Variants in CNTN5 observed in about 807,000 individuals in gnomAD.
The protein encoded by CNTN5 is contactin 5.
In CNTN5, 77 loss-of-function variants were observed where a neutral mutation model predicts 129.1. The observed-to-expected ratio is 0.60, with a 90% CI of 0.50 to 0.72. The LOEUF (loss-of-function observed/expected upper bound fraction) is 0.72, where lower values mean the gene tolerates loss of function less well. Among genes scored for constraint, CNTN5 ranks in the 30% least tolerant of loss-of-function variants. The pLI, the probability that CNTN5 is intolerant of heterozygous loss-of-function variation, is 0.00. For missense variants in CNTN5, 1,478 were observed against 1,328.8 expected, an observed-to-expected ratio of 1.11 and a Z score of -1.75; for synonymous variants, 509 against 465.6, an observed-to-expected ratio of 1.09 and a Z score of -1.20.
intron 2 of CNTN5, among the ~76,000 whole-genome samples, chr11:99,451,753 G>C (rs960936864): frequency 6.6e-6 from 1 of 152,004 alleles, no homozygotes; most frequent in Admixed American, 6.6e-5. Flanking sequence ...CTAACATGCT[G>C]TATACACACT....
At chr11:99,027,099 G>A (rs1361275642) in intron 1 of CNTN5, among the ~76,000 whole-genome samples, 2 of 151,038 alleles carry the variant, frequency 1.3e-5, no homozygotes, top group Non-Finnish European at 3.0e-5. Context: ...TGACAGAAGG[G>A]GTTTTTTTTT....
chr11:99,155,675 G>A (rs1401416066), intron 1 of CNTN5, among the ~76,000 whole-genome samples: 1 of 151,882 alleles, frequency 6.6e-6, no homozygotes, highest in South Asian at 2.1e-4. Flanking sequence ...AAACTAGTAA[G>A]TGAAGCCCAT....
chr11:100,108,810 A>G (rs1013064679), intron 13 of CNTN5, among the ~76,000 whole-genome samples: 3 of 151,728 alleles, frequency 2.0e-5, no homozygotes, highest in Non-Finnish European at 4.4e-5. Flanking sequence ...ATATTTTCTC[A>G]CAACTGTATC....
chr11:99,966,029 G>C (rs1438969901), intron 8 of CNTN5, among the ~76,000 whole-genome samples: 1 of 152,080 alleles, frequency 6.6e-6, no homozygotes, highest in Non-Finnish European at 1.5e-5. Flanking sequence ...TGCAGAGATA[G>C]GCATTACAAT....
intron 6 of CNTN5, among the ~76,000 whole-genome samples, chr11:99,904,352 T>C (rs567802939): frequency 9.9e-5 from 15 of 152,114 alleles, no homozygotes; most frequent in African/African-American, 3.1e-4. Flanking sequence ...CCGTGTGTTC[T>C]CATTGTTCAA....
In CNTN5 at chr11:99,608,119, C is replaced by T. The variant is rs190302083; in HGVS notation, c.55+51850C>T. Among the ~76,000 whole-genome samples, 121 of 148,642 alleles carry T rather than the reference C, an allele frequency of 8.1e-4. 2 individuals carry two copies. The highest frequency in any genetic ancestry group is 7.6e-3 in the Admixed American group (114 of 15,040). ...GTATAATAAAAAAAAAAAAAAATCA[C>T]AGTGTTTGTGAACTCAAAACTTCTA... On this transcript the variant is annotated intron_variant, in intron 3 of 24. Transcript: ENST00000524871.
chr11:99,997,769 A>T (rs1939553834), intron 8 of CNTN5, among the ~76,000 whole-genome samples: 1 of 152,272 alleles, frequency 6.6e-6, no homozygotes, highest in South Asian at 2.1e-4. Context: ...AAATACTGGC[A>T]AACCGAATCC....
At chr11:99,852,945 T>C (rs568414454) in intron 6 of CNTN5, among the ~76,000 whole-genome samples, 1 of 152,318 alleles carries the variant, frequency 6.6e-6, no homozygotes, top group Non-Finnish European at 1.5e-5. Context: ...TTTCACTTAA[T>C]TGTGTCAGGT....
At chr11:100,121,529 C>T (rs542778371) in intron 13 of CNTN5, among the ~76,000 whole-genome samples, 1 of 151,726 alleles carries the variant, frequency 6.6e-6, no homozygotes, top group Admixed American at 6.6e-5. Flanking sequence ...GCAATTGTTC[C>T]TCTCCTTGGT....
chr11:99,452,923 A>G (rs1031475128), intron 2 of CNTN5, among the ~76,000 whole-genome samples: 9 of 152,332 alleles, frequency 5.9e-5, no homozygotes, highest in Non-Finnish European at 1.2e-4. Context: ...CATGAGAAAT[A>G]TTTAGTAATT....
Position 99,044,317 on chromosome 11 carries a change from T to C in CNTN5, c.-210+23047T>C, listed in dbSNP as rs571018092. 6.6e-5 allele frequency among the ~76,000 whole-genome samples: 10 copies of C among 152,264 alleles called. No homozygotes were observed. In the South Asian group the frequency reaches 1.0e-3, roughly 16 times the overall value. ...CCTTTATAAGTCCCAAAAAGCCAGT[T>C]GTGAATTTGGAATTTTCTAACTCCT... is the stretch of plus-strand genomic sequence containing the variant. On this transcript the variant is annotated intron_variant, in intron 1 of 24. Coordinates refer to ENST00000524871, the MANE Select transcript of CNTN5 (RefSeq NM_014361.4).
At chr11:99,643,179 A>G (rs1195267394) in intron 3 of CNTN5, among the ~76,000 whole-genome samples, 1 of 152,202 alleles carries the variant, frequency 6.6e-6, no homozygotes, top group African/African-American at 2.4e-5. Flanking sequence ...TTATGCAACC[A>G]AAACAAGGAT....
chr11:99,652,252 C>G (rs1952184080), intron 3 of CNTN5, among the ~76,000 whole-genome samples: 1 of 152,028 alleles, frequency 6.6e-6, no homozygotes, highest in African/African-American at 2.4e-5. Flanking sequence ...GTCCTCAGGC[C>G]TTAGTCATAT....
chr11:100,196,491 T>C (rs1948642046), intron 15 of CNTN5, among the ~76,000 whole-genome samples: 4 of 152,008 alleles, frequency 2.6e-5, no homozygotes. Context: ...GTACATTGTA[T>C]ACATCCACAT....
intron 2 of CNTN5, among the ~76,000 whole-genome samples, chr11:99,369,217 A>T (rs12279304): frequency 0.019 from 2,616 of 135,696 alleles, 68 homozygotes; most frequent in African/African-American, 0.065. Context: ...TATTATATAT[A>T]ATATATATAT....
intron 3 of CNTN5, among the ~76,000 whole-genome samples, chr11:99,668,699 T>A (rs1364731332): frequency 6.6e-6 from 1 of 152,070 alleles, no homozygotes; most frequent in Non-Finnish European, 1.5e-5. Flanking sequence ...GAGGCCGAGG[T>A]GCGCAGATCG....
At chr11:99,697,312 A>G (rs992057924) in intron 3 of CNTN5, among the ~76,000 whole-genome samples, 1 of 151,506 alleles carries the variant, frequency 6.6e-6, no homozygotes, top group Non-Finnish European at 1.5e-5. Flanking sequence ...AGAGAAAAAG[A>G]GGGGGAGAGA....
intron 3 of CNTN5, among the ~76,000 whole-genome samples, chr11:99,813,640 G>A (rs1033715817): frequency 1.3e-5 from 2 of 152,066 alleles, no homozygotes; most frequent in African/African-American, 4.8e-5. Flanking sequence ...GGGTACTTTA[G>A]ATAGAGAAAA....
chr11:100,341,161 C>G lies in CNTN5; in HGVS notation c.2986C>G (p.Pro996Ala), dbSNP rs752683313. The G allele has an allele frequency of 6.2e-7, 1 of 1,613,828 alleles. No individual in the cohort carries two copies. Among genetic ancestry groups the G allele is most frequent in the South Asian group, 1.1e-5 (1 of 91,084 alleles). Residue 996 changes from proline (P) to alanine (A), a missense_variant, in exon 23 of 25, where the codon CCC becomes GCC. By Grantham distance (27) the Pro-to-Ala change is conservative. Coordinates refer to ENST00000524871, the MANE Select transcript of CNTN5 (RefSeq NM_014361.4). ...CTCTCAGGTTTCTCTGGGCTGGGAACCCGTCATACCATTAGCCAACGAATC... is the reference window on the plus strand; with the variant it reads ...CTCTCAGGTTTCTCTGGGCTGGGAAGCCGTCATACCATTAGCCAACGAATC... ...QGSQVSLGWE[P>A]VIPLANESEV...
Sources: allele counts gnomAD v4.1 joint callset (sites outside exome capture counted in the v4.1 genomes callset), GRCh38; gene constraint gnomAD v4.1.1; transcripts MANE v1.5; gene names NCBI Gene and HGNC (gene_info 2026-07-23, HGNC 2026-07-21).